Variants in GTF2A1L observed in about 807,000 individuals in gnomAD.
GTF2A1L encodes TFIIA-alpha and beta-like factor.
A neutral mutation model predicts 49.7 loss-of-function variants in GTF2A1L; 48 were observed. That is an observed-to-expected ratio of 0.97 (90% CI 0.77 to 1.23). The LOEUF (loss-of-function observed/expected upper bound fraction) is 1.23, where lower values mean the gene tolerates loss of function less well. Among genes scored for constraint, GTF2A1L ranks in the 50% most tolerant of loss-of-function variants. GTF2A1L has a pLI of 0.00. For missense variants in GTF2A1L, 736 were observed against 564.8 expected (o/e 1.30, Z -3.07); for synonymous variants, 246 against 193.5 (o/e 1.27, Z -2.25).
Position 48,669,881 on chromosome 2 carries a change from G to C in GTF2A1L, c.1138G>C (p.Asp380His), listed in dbSNP as rs1345654685. Reference sequence around the variant, plus strand: ...ATTTCTAGGGAATATTGACGGGGGAGATCTGAAGGTACCTGAAGAAGAAGC... The same window carrying C: ...ATTTCTAGGGAATATTGACGGGGGACATCTGAAGGTACCTGAAGAAGAAGC... ...NEFLGNIDGG[D>H]LKVPEEEADS... Residue 380 changes from aspartate to histidine, a missense_variant, in exon 7 of 9, where the codon GAT becomes CAT. Asp to His is a moderately conservative substitution (Grantham distance 81, BLOSUM62 -1). Coordinates refer to ENST00000403751, the MANE Select transcript of GTF2A1L (RefSeq NM_006872.5). The C allele has an allele frequency of 6.2e-7, 1 of 1,614,034 alleles. No homozygotes were observed. Among genetic ancestry groups the C allele is most frequent in the Non-Finnish European group, 8.5e-7 (1 of 1,179,986 alleles).
intron 3 of GTF2A1L, among the ~76,000 whole-genome samples, chr2:48,625,885 T>C (rs1331604405): frequency 2.8e-5 from 4 of 144,234 alleles, no homozygotes; most frequent in African/African-American, 9.9e-5. Context: ...GCCTGGCTTA[T>C]TTATTTTCGC....
At chr2:48,669,230 T>C (rs564531056) in intron 6 of GTF2A1L, among the ~76,000 whole-genome samples, 78 of 152,322 alleles carry the variant, frequency 5.1e-4, no homozygotes, top group African/African-American at 1.8e-3. Context: ...ACTTTCTGTT[T>C]CTATGAATTT....
At chr2:48,647,581 A>G (rs1024557957) in intron 6 of GTF2A1L, among the ~76,000 whole-genome samples, 1 of 151,984 alleles carries the variant, frequency 6.6e-6, no homozygotes, top group African/African-American at 2.4e-5. Flanking sequence ...AGAAGCCCAC[A>G]AAGTTTTTTT....
intron 8 of GTF2A1L, among the ~76,000 whole-genome samples, chr2:48,673,850 A>G (rs6747707): frequency 0.047 from 7,132 of 152,192 alleles, 551 homozygotes; most frequent in African/African-American, 0.16. Context: ...TCCTTTGTGT[A>G]TAGGGTAGGG....
At chr2:48,644,603 T>C (rs1677387219) in intron 4 of GTF2A1L, among the ~76,000 whole-genome samples, 1 of 152,178 alleles carries the variant, frequency 6.6e-6, no homozygotes, top group Admixed American at 6.5e-5. Flanking sequence ...GGTATATATA[T>C]TGCAAAAATT....
At chr2:48,654,101 A>G (rs1369415124) in intron 6 of GTF2A1L, among the ~76,000 whole-genome samples, 1 of 152,118 alleles carries the variant, frequency 6.6e-6, no homozygotes, top group East Asian at 1.9e-4. Context: ...GGAATTTTGC[A>G]TTTCTACCAG....
chr2:48,617,996 A>T, intron 1 of GTF2A1L, 101 bp downstream of exon 1: 1 of 1,219,006 alleles, frequency 8.2e-7, no homozygotes, highest in Non-Finnish European at 1.2e-6. Flanking sequence ...CACTTTACAG[A>T]TTGTCATAAA....
At chr2:48,653,220 CAAAA>C (rs568400398) in intron 6 of GTF2A1L, among the ~76,000 whole-genome samples, 2 of 88,142 alleles carry the variant, frequency 2.3e-5, no homozygotes, top group African/African-American at 4.5e-5. Context: ...GACTCTGTCT[CAAAA>C]AAAAAAAAAA....
intron 3 of GTF2A1L, among the ~76,000 whole-genome samples, chr2:48,637,771 T>C (rs1279020780): frequency 6.6e-6 from 1 of 151,474 alleles, no homozygotes; most frequent in Non-Finnish European, 1.5e-5. Context: ...CAATTAGAAA[T>C]GAAGGGAATG....
At chr2:48,629,044 C>T (rs1318098444) in intron 3 of GTF2A1L, among the ~76,000 whole-genome samples, 1 of 142,882 alleles carries the variant, frequency 7.0e-6, no homozygotes, top group African/African-American at 2.5e-5. Flanking sequence ...GAGTTTGAGA[C>T]CAGCCTGACC....
chr2:48,668,636 C>T (rs1177656976), intron 6 of GTF2A1L: 1 of 152,102 alleles, frequency 6.6e-6, no homozygotes, highest in Non-Finnish European at 1.5e-5. Flanking sequence ...TCTACATCAT[C>T]CTGGCTAACA....
intron 6 of GTF2A1L, among the ~76,000 whole-genome samples, chr2:48,651,047 A>G (rs1360074250): frequency 6.6e-6 from 1 of 152,158 alleles, no homozygotes; most frequent in Admixed American, 6.6e-5. Flanking sequence ...GGGAAGCTTA[A>G]ATTGCAAAGA....
At chr2:48,673,149 A>T (rs2104315303) in intron 8 of GTF2A1L, among the ~76,000 whole-genome samples, 1 of 152,290 alleles carries the variant, frequency 6.6e-6, no homozygotes, top group Admixed American at 6.5e-5. Flanking sequence ...AAATTGCTGA[A>T]TAATAGTCTA....
chr2:48,642,458 G>C lies in GTF2A1L; in HGVS notation c.303+1G>C. 1 of 1,577,910 alleles carries C rather than the reference G, an allele frequency of 6.3e-7. No homozygotes were observed. The highest frequency in any genetic ancestry group is 2.3e-5 in the East Asian group (1 of 44,348). On this transcript the variant is annotated splice_donor_variant, in intron 4 of 8. Coordinates refer to ENST00000403751, the MANE Select transcript of GTF2A1L (RefSeq NM_006872.5). LOFTEE classifies it high-confidence loss of function. Reference sequence around the variant, plus strand: ...TCCAAGTTTTACCACAGCAGAACTGGTATGTAGCTTACTTAAAATATATTT... The same window carrying C: ...TCCAAGTTTTACCACAGCAGAACTGCTATGTAGCTTACTTAAAATATATTT...
At chr2:48,662,955 C>T (rs11676166) in intron 6 of GTF2A1L, among the ~76,000 whole-genome samples, 26,027 of 151,876 alleles carry the variant, frequency 0.17, 2,601 homozygotes, top group South Asian at 0.24. Context: ...AAAATACCTG[C>T]TGAGTACTAT....
At chr2:48,652,763 C>T (rs12993815) in intron 6 of GTF2A1L, among the ~76,000 whole-genome samples, 24,464 of 147,714 alleles carry the variant, frequency 0.17, 2,442 homozygotes, top group South Asian at 0.24. Context: ...GGTGTGATCT[C>T]GGCGCACTGC....
At chr2:48,652,337 C>T (rs546393988) in intron 6 of GTF2A1L, among the ~76,000 whole-genome samples, 6 of 152,142 alleles carry the variant, frequency 3.9e-5, no homozygotes, top group Middle Eastern at 3.4e-3. Context: ...AAAGCCAGGC[C>T]GGGCATGGTG....
chr2:48,623,930 G>A (rs914270858), intron 3 of GTF2A1L, among the ~76,000 whole-genome samples: 1 of 152,126 alleles, frequency 6.6e-6, no homozygotes, highest in Non-Finnish European at 1.5e-5. Flanking sequence ...AGGGGGCAAG[G>A]GTTGAAAAAC....
At chr2:48,631,652 C>G (rs527802185) in intron 3 of GTF2A1L, among the ~76,000 whole-genome samples, 3 of 151,896 alleles carry the variant, frequency 2.0e-5, no homozygotes, top group Non-Finnish European at 4.4e-5. Context: ...ATTTTTGGGT[C>G]TCAATTTTGT....
Sources: gnomAD v4.1 joint callset for allele counts (sites outside exome capture counted in the v4.1 genomes callset) on GRCh38, gnomAD v4.1.1 for gene constraint, MANE v1.5 for transcripts, NCBI Gene and HGNC (gene_info 2026-07-23, HGNC 2026-07-21) for gene names.